WAPL: variants seen among roughly 807,000 people sequenced by gnomAD.
WAPL encodes wings apart-like protein homolog.
In WAPL, 5 loss-of-function variants were observed where a neutral mutation model predicts 121.0. The observed-to-expected ratio is 0.04, with a 90% confidence interval of 0.02 to 0.09. The LOEUF (loss-of-function observed/expected upper bound fraction) is 0.09. Ranked by LOEUF, WAPL falls within the 10% of genes least tolerant of loss-of-function variation. The probability of loss-of-function intolerance (pLI) is 1.00; values close to 1 mark genes in which losing one functional copy is unlikely to be tolerated. For synonymous variants in WAPL, 480 were observed against 481.5 expected (o/e 1.00, Z 0.04); for missense variants, 999 against 1,410.8 (o/e 0.71, Z 4.68).
At chr10:86,442,970 G>A (rs1235024735) in intron 17 of WAPL, among the ~76,000 whole-genome samples, 1 of 149,968 alleles carries the variant, frequency 6.7e-6, no homozygotes, top group Non-Finnish European at 1.5e-5. Flanking sequence ...GGGAACCAGG[G>A]AGGTGGAGCT....
intron 15 of WAPL, among the ~76,000 whole-genome samples, chr10:86,451,039 A>G (rs1210133897): frequency 6.6e-6 from 1 of 152,106 alleles, no homozygotes; most frequent in East Asian, 1.9e-4. Flanking sequence ...AAAGTTCTGG[A>G]CACAGATCAG....
At chr10:86,492,092 C>A (rs889588947) in intron 4 of WAPL, among the ~76,000 whole-genome samples, 4 of 152,166 alleles carry the variant, frequency 2.6e-5, no homozygotes, top group Non-Finnish European at 5.9e-5. Flanking sequence ...TAATTTGACA[C>A]GTTAAGTGAG....
rs781414385 is a variant in WAPL, at chr10:86,473,958, C to T, written c.1660G>A (p.Val554Ile). 2 of 1,613,814 alleles carry T rather than the reference C, an allele frequency of 1.2e-6. No individual in the cohort carries two copies. The highest frequency in any genetic ancestry group is 2.7e-5 in the African/African-American group (2 of 74,902). ...TGATTCCAATGTCTGGCATTATATA[C>T]AGCTTTTGTGGGTGACTAGAGAAAT... is the stretch of plus-strand genomic sequence containing the variant. ...SGPKRSPTKAVYNARHWNHPD... is the reference protein window; with the variant it reads ...SGPKRSPTKAIYNARHWNHPD... Residue 554 changes from valine to isoleucine, a missense_variant, in exon 5 of 19, where the codon GTA becomes ATA. This residue lies in a region of WAPL where 74 missense variants were observed against 115.1 expected (regional missense o/e 0.64). Coordinates refer to ENST00000298767, the MANE Select transcript of WAPL (RefSeq NM_015045.5).
intron 15 of WAPL, among the ~76,000 whole-genome samples, chr10:86,448,994 G>A (rs535258072): frequency 2.0e-5 from 3 of 152,190 alleles, no homozygotes; most frequent in Admixed American, 6.5e-5. Flanking sequence ...AAATGGTAAC[G>A]TTTTAGGAAA....
At position 86,485,116 on chromosome 10, in the gene WAPL, C is replaced by T. The variant is rs755269596; in HGVS notation, c.1645-11143G>A. On this transcript the variant is annotated intron_variant, in intron 4 of 18. Coordinates refer to ENST00000298767, the MANE Select transcript of WAPL (RefSeq NM_015045.5). ...CTACCCCCCTCCTTCCCATCTATAA[C>T]TATCAAATAGATGTCAGTGCTTTCC... 3.6e-3 allele frequency among the ~76,000 whole-genome samples: 484 copies of T among 135,666 alleles called. 4 individuals are homozygous for T. The highest frequency in any genetic ancestry group is 3.2e-3 in the Admixed American group (39 of 12,320). 89.0% of individuals were successfully genotyped at this position (135,666 alleles called of 152,430 possible).
chr10:86,447,146 G>A (rs1221649338), intron 15 of WAPL, among the ~76,000 whole-genome samples: 1 of 152,188 alleles, frequency 6.6e-6, no homozygotes, highest in African/African-American at 2.4e-5. Flanking sequence ...TGAGTGCACA[G>A]TGGAGTTTTG....
intron 2 of WAPL, among the ~76,000 whole-genome samples, chr10:86,501,078 C>T (rs1007590248): frequency 1.3e-5 from 2 of 152,102 alleles, no homozygotes; most frequent in Non-Finnish European, 2.9e-5. Context: ...ATGGGCTTTT[C>T]AAATAAAGAT....
At position 86,471,079 on chromosome 10, in the gene WAPL, A is replaced by G; in HGVS notation, c.2055T>C (p.Cys685=). The change falls in exon 8 of 19, where the codon TGT becomes TGC. Residue 685 remains cysteine, a synonymous_variant. Transcript: ENST00000298767. ...CLSVISLATK[C]AMPSFRMHLR... ...GGTGCATTCGAAAACTGGGCATGGC[A>G]CATTTAGTAGCCAAGCTAATAACAC... is the stretch of plus-strand genomic sequence containing the variant. 1.2e-6 allele frequency: 2 copies of G among 1,613,918 alleles called. No homozygotes were observed. The highest frequency in any genetic ancestry group is 1.7e-6 in the Non-Finnish European group (2 of 1,179,924).
At chr10:86,458,118 G>T (rs1238580737) in intron 12 of WAPL, among the ~76,000 whole-genome samples, 1 of 152,196 alleles carries the variant, frequency 6.6e-6, no homozygotes. Context: ...TAAGAAAGTT[G>T]TACATATATC....
Position 86,473,908 on chromosome 10 carries a change from C to T in WAPL, c.1710G>A (p.Gly570=), listed in dbSNP as rs757125502. 1 of 1,613,896 alleles carries T rather than the reference C, an allele frequency of 6.2e-7. No individual in the cohort carries two copies. Among genetic ancestry groups the T allele is most frequent in the Non-Finnish European group, 8.5e-7 (1 of 1,179,894 alleles). ...CACTCTGAGGTTTTACTACTGGTGGCCCAGGCAGTTCTTCTGAATCTGGAT... is the reference window on the plus strand; with the variant it reads ...CACTCTGAGGTTTTACTACTGGTGGTCCAGGCAGTTCTTCTGAATCTGGAT... ...WNHPDSEELP[G]PPVVKPQSVT... is the part of the protein sequence containing the mutation. The change falls in exon 5 of 19, where the codon GGG becomes GGA. Residue 570 remains glycine (G), a synonymous_variant. Transcript: ENST00000298767.
In WAPL at chr10:86,498,393, C is replaced by CT. The variant is rs1162625004; in HGVS notation, c.1526-1075dup. On this transcript the variant is annotated intron_variant, in intron 3 of 18. Coordinates refer to ENST00000298767, the MANE Select transcript of WAPL (RefSeq NM_015045.5). Reference sequence around the variant, plus strand: ...TTCAAAGACAACACTGGATGTATTTCTTTTTTCTTTTTTTTCGGGGGAGGC... The same window carrying CT: ...TTCAAAGACAACACTGGATGTATTTCTTTTTTTCTTTTTTTTCGGGGGAGGC... Among the ~76,000 whole-genome samples the CT allele has an allele frequency of 5.3e-5, 8 of 152,158 alleles. No homozygotes were observed. In the South Asian group the frequency reaches 1.0e-3, roughly 20 times the overall value.
At chr10:86,469,534 A>G (rs1007790572) in intron 8 of WAPL, among the ~76,000 whole-genome samples, 1 of 152,004 alleles carries the variant, frequency 6.6e-6, no homozygotes, top group Non-Finnish European at 1.5e-5. Flanking sequence ...GATTATAGGC[A>G]TGAGCCACCG....
chr10:86,455,705 GAAAAAAAA>G (rs1333302675), intron 12 of WAPL, among the ~76,000 whole-genome samples: 10 of 109,278 alleles, frequency 9.2e-5, no homozygotes, highest in African/African-American at 3.2e-4. Flanking sequence ...AAGAAAGAAA[GAAAAAAAA>G]AGAAAAAAAG....
chr10:86,462,858 G>A (rs890587763), intron 9 of WAPL, among the ~76,000 whole-genome samples: 4 of 152,064 alleles, frequency 2.6e-5, no homozygotes, highest in Non-Finnish European at 5.9e-5. Flanking sequence ...GTTCGTGTGT[G>A]TTAATTCATG....
intron 12 of WAPL, among the ~76,000 whole-genome samples, chr10:86,457,327 T>TTAAAAAAAAA (rs371813595): frequency 9.0e-6 from 1 of 111,228 alleles, no homozygotes; most frequent in African/African-American, 3.8e-5. Flanking sequence ...CTGTATCTAT[T>TTAAAAAAAAA]AAAAAAAAAA....
chr10:86,449,903 C>T (rs1342521562), intron 15 of WAPL, among the ~76,000 whole-genome samples: 1 of 152,158 alleles, frequency 6.6e-6, no homozygotes, highest in Admixed American at 6.5e-5. Flanking sequence ...TTTATGGTGA[C>T]GGTTCTATAT....
chr10:86,481,641 G>A (rs1367314101), intron 4 of WAPL, among the ~76,000 whole-genome samples: 1 of 152,000 alleles, frequency 6.6e-6, no homozygotes, highest in Non-Finnish European at 1.5e-5. Context: ...CCAAAGAGCT[G>A]GGATTACAGG....
Position 86,491,140 on chromosome 10 carries a change from T to C in WAPL, c.1644+6061A>G, listed in dbSNP as rs1842038648. ...CAATAACATAAACTCATGGTTCTTT[T>C]TTTTTTTTTTTTTTTTTAAGACGGA... On this transcript the variant is annotated intron_variant, in intron 4 of 18. Transcript: ENST00000298767. Among the ~76,000 whole-genome samples the C allele has an allele frequency of 4.8e-5, 7 of 144,388 alleles. No individual in the cohort carries two copies. In the South Asian group the frequency reaches 1.3e-3, roughly 28 times the overall value. The allele number at this position is 144,388 out of a possible 152,430, so 94.7% of individuals were successfully genotyped here.
chr10:86,490,200 T>A (rs1842015942), intron 4 of WAPL, among the ~76,000 whole-genome samples: 1 of 150,284 alleles, frequency 6.7e-6, no homozygotes, highest in African/African-American at 2.5e-5. Flanking sequence ...GGGGACAGAG[T>A]GAGACTCCAT....
Sources: allele counts gnomAD v4.1 joint callset (sites outside exome capture counted in the v4.1 genomes callset), GRCh38; gene constraint gnomAD v4.1.1; regional missense constraint gnomAD v4.1.1; transcripts MANE v1.5; gene names NCBI Gene and HGNC (gene_info 2026-07-23, HGNC 2026-07-21).